MUC5AC: variants seen among roughly 807,000 people sequenced by gnomAD.
MUC5AC encodes the protein mucin 5AC, oligomeric mucus/gel-forming.
In MUC5AC, 158 loss-of-function variants were observed where a neutral mutation model predicts 169.7. The observed-to-expected ratio is 0.93, with a 90% CI of 0.82 to 1.06. MUC5AC has a LOEUF of 1.06. Ranked by LOEUF, MUC5AC falls within the 50% of genes least tolerant of loss-of-function variation. The pLI, the probability that MUC5AC is intolerant of heterozygous loss-of-function variation, is 0.00. For synonymous variants in MUC5AC, 1,975 were observed against 1,237.0 expected (o/e 1.60, Z -12.52); for missense variants, 4,359 against 3,089.9 (o/e 1.41, Z -9.74).
rs1192762741 is a variant in MUC5AC, at chr11:1,199,107, G to A, written c.16317G>A (p.Gln5439=). The change falls in exon 45 of 49, where the codon CAG becomes CAA. Residue 5439 remains glutamine, a synonymous_variant. Transcript: ENST00000621226. ...HCPVGFEYQE[Q]SGQCCGTCVQ... ...CGCAGGGCTTCGAGTACCAGGAGCA[G>A]AGCGGGCAGTGCTGTGGCACCTGTG... is the stretch of plus-strand genomic sequence containing the variant. 1 of 764,760 alleles carries A rather than the reference G, an allele frequency of 1.3e-6. No homozygotes were observed. The highest frequency in any genetic ancestry group is 1.3e-5 in the South Asian group (1 of 74,556). The allele number at this position is 764,760 out of a possible 1,614,324, so 47.4% of individuals were successfully genotyped here.
chr11:1,189,025 C>T lies in MUC5AC; in HGVS notation c.10880C>T (p.Thr3627Ile). The change falls in exon 31 of 49, where the codon ACC becomes ATC. Residue 3627 changes from threonine to isoleucine, a missense_variant. Coordinates refer to ENST00000621226, the MANE Select transcript of MUC5AC (RefSeq NM_001304359.2). Reference protein sequence around the residue: ...CCETPKGCPVTSTSVTAPSTP... With the variant: ...CCETPKGCPVISTSVTAPSTP... Reference sequence around the variant, plus strand: ...GAGACCCCCAAAGGCTGCCCCGTGACCTCCACATCTGTGACAGCTCCTAGC... The same window carrying T: ...GAGACCCCCAAAGGCTGCCCCGTGATCTCCACATCTGTGACAGCTCCTAGC... 1.5e-6 allele frequency: 1 copy of T among 668,574 alleles called. No individual in the cohort carries two copies. Among genetic ancestry groups the T allele is most frequent in the East Asian group, 2.5e-5 (1 of 40,486 alleles). 41.4% of individuals were successfully genotyped at this position (668,574 alleles called of 1,614,324 possible). A position where few individuals can be genotyped will look rare whatever the true frequency, so the allele number is the denominator to read the frequency against.
rs775642015 is a variant in MUC5AC, at chr11:1,194,438, G to A, written c.15007-49G>A. ...GCAAGAGCCTGAGCAGCGGCTGACCGCCCGCCCGCCTGCCTTCTGACTTCC... is the reference window on the plus strand; with the variant it reads ...GCAAGAGCCTGAGCAGCGGCTGACCACCCGCCCGCCTGCCTTCTGACTTCC... On this transcript the variant is annotated intron_variant, in intron 34 of 48. Transcript: ENST00000621226. 43 of 714,390 alleles carry A rather than the reference G, an allele frequency of 6.0e-5. 1 individual carries two copies. The highest frequency in any genetic ancestry group is 3.6e-4 in the South Asian group (25 of 69,104). The allele number at this position is 714,390 out of a possible 1,614,324, so 44.3% of individuals were successfully genotyped here.
chr11:1,167,901 G>C lies in MUC5AC; in HGVS notation c.1411G>C (p.Val471Leu), dbSNP rs994126745. ...GCCCTGTGACAGCAGTGCCTTCACT[G>C]TACTGGCTGAGCTGCGCAGGTGCGG... is the stretch of plus-strand genomic sequence containing the variant. Reference protein sequence around the residue: ...TKPCDSSAFTVLAELRRCGLT... With the variant: ...TKPCDSSAFTLLAELRRCGLT... Residue 471 changes from valine (V) to leucine (L), a missense_variant, in exon 12 of 49, where the codon GTA (valine) becomes CTA (leucine). Transcript: ENST00000621226. 2.3e-5 allele frequency: 35 copies of C among 1,550,368 alleles called. No homozygotes were observed. The highest frequency in any genetic ancestry group is 2.7e-5 in the Non-Finnish European group (31 of 1,147,060).
rs1860718195 is a variant in MUC5AC, at chr11:1,177,591, C to T, written c.3045C>T (p.Asp1015=). ...ACATTGGCCTGGTGCTGCTGTGGGA[C>T]AAGAAGACCAGCATCTTCATCAACC... ...DTDIGLVLLW[D]KKTSIFINLS... The change falls in exon 24 of 49, where the codon GAC becomes GAT. Residue 1015 remains aspartate, a synonymous_variant. Coordinates refer to ENST00000621226, the MANE Select transcript of MUC5AC (RefSeq NM_001304359.2). 2.5e-6 allele frequency: 1 copy of T among 398,782 alleles called. No individual in the cohort carries two copies. 24.7% of individuals were successfully genotyped at this position (398,782 alleles called of 1,614,324 possible). A position where few individuals can be genotyped will look rare whatever the true frequency, so the allele number is the denominator to read the frequency against.
Position 1,201,025 on chromosome 11 carries a change from G to A in MUC5AC, c.*323G>A. On this transcript the variant is annotated 3_prime_UTR_variant, in exon 49 of 49. Coordinates refer to ENST00000621226, the MANE Select transcript of MUC5AC (RefSeq NM_001304359.2). The stretch of plus-strand genomic sequence containing the variant: ...GAATGACGCTTGGACATGGTGATCA[G>A]CTGCCTGGTGGCTGCAGGAGGAAGA... 1 of 259,032 alleles carries A rather than the reference G, an allele frequency of 3.9e-6. No homozygotes were observed. The highest frequency in any genetic ancestry group is 6.9e-5 in the East Asian group (1 of 14,402). The allele number at this position is 259,032 out of a possible 1,614,324, so 16.0% of individuals were successfully genotyped here.
At position 1,187,847 on chromosome 11, in the gene MUC5AC, A is replaced by G. The variant is rs1860992075; in HGVS notation, c.9702A>G (p.Ile3234Met). The change falls in exon 31 of 49, where the codon ATA becomes ATG. Residue 3234 changes from isoleucine (I) to methionine (M), a missense_variant. Transcript: ENST00000621226. Reference sequence around the variant, plus strand: ...GCACCTGGACCAAGTGGTTTGACATAGACTTCCCATCCCCTGGACCCCACG... The same window carrying G: ...GCACCTGGACCAAGTGGTTTGACATGGACTTCCCATCCCCTGGACCCCACG... ...LRCTWTKWFD[I>M]DFPSPGPHGG... 10 of 764,206 alleles carry G rather than the reference A, an allele frequency of 1.3e-5. No individual in the cohort carries two copies. The highest frequency in any genetic ancestry group is 3.4e-5 in the African/African-American group (2 of 59,112). 47.3% of individuals were successfully genotyped at this position (764,206 alleles called of 1,614,324 possible). A position where few individuals can be genotyped will look rare whatever the true frequency, so the allele number is the denominator to read the frequency against.
In MUC5AC at chr11:1,178,466, G is replaced by A; in HGVS notation, c.3110G>A (p.Gly1037Glu). Residue 1037 changes from glycine to glutamate, a missense_variant, in exon 25 of 49, where the codon GGG (glycine) becomes GAG (glutamate). Gly to Glu is a moderately conservative substitution (Grantham distance 98, BLOSUM62 -2). Coordinates refer to ENST00000621226, the MANE Select transcript of MUC5AC (RefSeq NM_001304359.2). ...CAGGGCAGGGTCTGCGGCCTGTGTG[G>A]GAACTTCGACGACATCGCCGTTAAT... ...EFKGRVCGLCGNFDDIAVNDF... is the reference protein window; with the variant it reads ...EFKGRVCGLCENFDDIAVNDF... 1.2e-6 allele frequency: 1 copy of A among 841,842 alleles called. No individual in the cohort carries two copies. Among genetic ancestry groups the A allele is most frequent in the Non-Finnish European group, 1.7e-6 (1 of 602,846 alleles). 52.1% of individuals were successfully genotyped at this position (841,842 alleles called of 1,614,324 possible). A position where few individuals can be genotyped will look rare whatever the true frequency, so the allele number is the denominator to read the frequency against.
chr11:1,158,334 T>C (rs1406642513), intron 1 of MUC5AC, among the ~76,000 whole-genome samples: 1 of 152,068 alleles, frequency 6.6e-6, no homozygotes, highest in Non-Finnish European at 1.5e-5. Flanking sequence ...TCTCGGGCTT[T>C]CCCTCCCGGC....
chr11:1,164,216 C>T lies in MUC5AC; in HGVS notation c.900C>T (p.Asp300=), dbSNP rs753669060. The change falls in exon 8 of 49, where the codon GAC becomes GAT. Residue 300 remains aspartate (D), a synonymous_variant. Transcript: ENST00000621226. ...GGCAAGACCTCTGCTTCTGTGAAGA[C>T]ACCGACCTGCTCAGCTGCGTCTGCC... ...ACRQDLCFCE[D]TDLLSCVCHT... is the part of the protein sequence containing the mutation. 6.8e-6 allele frequency: 11 copies of T among 1,612,552 alleles called. No individual in the cohort carries two copies. The highest frequency in any genetic ancestry group is 8.5e-6 in the Non-Finnish European group (10 of 1,179,888).
At chr11:1,172,283 C>T (rs1357323198) in intron 15 of MUC5AC, 146 bp from the exon 16 acceptor site, 3 of 397,478 alleles carry the variant, frequency 7.5e-6, no homozygotes, top group African/African-American at 4.1e-5. Flanking sequence ...CCACACCACC[C>T]AGGCTGAGTG....
Position 1,193,370 on chromosome 11 carries a change from CA to C in MUC5AC, c.14581-114del. 6.5e-6 allele frequency: 4 copies of C among 619,320 alleles called. No homozygotes were observed. In the South Asian group the frequency reaches 7.2e-5, roughly 11 times the overall value. The allele number at this position is 619,320 out of a possible 1,614,324, so 38.4% of individuals were successfully genotyped here. On this transcript the variant is annotated intron_variant, in intron 32 of 48. Coordinates refer to ENST00000621226, the MANE Select transcript of MUC5AC (RefSeq NM_001304359.2). The stretch of plus-strand genomic sequence containing the variant: ...GGGTGGGGCAGGAAGGAAACTGGGG[CA>C]CAGCCACCCTCCCCTGTCCCCACAC...
In MUC5AC at chr11:1,165,384, C is replaced by T. The variant is rs1036376088; in HGVS notation, c.1212C>T (p.Ala404=). 6.2e-6 allele frequency: 10 copies of T among 1,612,316 alleles called. No individual in the cohort carries two copies. The highest frequency in any genetic ancestry group is 4.0e-5 in the African/African-American group (3 of 74,938). Residue 404 remains alanine (A), a synonymous_variant, in exon 10 of 49, where the codon GCC becomes GCT. Transcript: ENST00000621226. ...GCGTCTACAACGGGGCTGCCTATGC[C>T]CCAGGGGCCACCTACTCCACAGACT... The part of the protein sequence containing the change: ...CACVYNGAAY[A]PGATYSTDCT...
chr11:1,179,691 C>T (rs1226111743), intron 26 of MUC5AC, among the ~76,000 whole-genome samples: 1 of 148,550 alleles, frequency 6.7e-6, no homozygotes, highest in Non-Finnish European at 1.5e-5. Flanking sequence ...AGCTGCCCAG[C>T]TCTAGGGAGG....
At chr11:1,171,432 CTT>C (rs1860528011) in intron 15 of MUC5AC, among the ~76,000 whole-genome samples, 2 of 143,328 alleles carry the variant, frequency 1.4e-5, no homozygotes, top group Admixed American at 6.9e-5. Context: ...ACTCACTCAA[CTT>C]ACTCACCCAC....
At position 1,194,650 on chromosome 11, in the gene MUC5AC, A is replaced by G. The variant is rs1564918799; in HGVS notation, c.15170A>G (p.Asn5057Ser). 2 of 762,920 alleles carry G rather than the reference A, an allele frequency of 2.6e-6. No individual in the cohort carries two copies. Among genetic ancestry groups the G allele is most frequent in the Non-Finnish European group, 4.8e-6 (2 of 416,548 alleles). 47.3% of individuals were successfully genotyped at this position (762,920 alleles called of 1,614,324 possible). The change falls in exon 35 of 49, where the codon AAC becomes AGC. Residue 5057 changes from asparagine (N) to serine (S), a missense_variant. Transcript: ENST00000621226. ...GAGGTGCCCTTCAGCAAGTTTGCCA[A>G]CAACACCGAGGGCCAGTGCGGTGAG... ...SVEVPFSKFANNTEGQCGTCT... is the reference protein window; with the variant it reads ...SVEVPFSKFASNTEGQCGTCT...
In MUC5AC at chr11:1,172,486, G is replaced by T. The variant is rs1012275053; in HGVS notation, c.1928G>T (p.Arg643Leu). 5.0e-6 allele frequency: 2 copies of T among 398,562 alleles called. No homozygotes were observed. The highest frequency in any genetic ancestry group is 8.8e-6 in the Non-Finnish European group (2 of 226,090). 24.7% of individuals were successfully genotyped at this position (398,562 alleles called of 1,614,324 possible). ...QLTDADGPFG[R>L]CHAAVKPGTY... is the part of the protein sequence containing the mutation. ...ACCGATGCCGACGGCCCCTTCGGCC[G>T]GTGCCATGCTGCCGTGAAGCCGGGA... Residue 643 changes from arginine to leucine, a missense_variant, in exon 16 of 49, where the codon CGG becomes CTG. Transcript: ENST00000621226.
rs1325552536 is a variant in MUC5AC at position 1,181,476 on chromosome 11, C to T, written c.4009+17C>T. The T allele has an allele frequency of 3.8e-5, 11 of 288,950 alleles. No individual in the cohort carries two copies. The highest frequency in any genetic ancestry group is 1.7e-4 in the African/African-American group (3 of 17,536). 17.9% of individuals were successfully genotyped at this position (288,950 alleles called of 1,614,324 possible). ...CCCCGCTTGGTAAGGCAAATGTGGCCGAGGAGCCCCAGGGTGAGCCCCCTC... is the reference window on the plus strand; with the variant it reads ...CCCCGCTTGGTAAGGCAAATGTGGCTGAGGAGCCCCAGGGTGAGCCCCCTC... On this transcript the variant is annotated intron_variant, in intron 30 of 48. Coordinates refer to ENST00000621226, the MANE Select transcript of MUC5AC (RefSeq NM_001304359.2).
intron 4 of MUC5AC, 107 bp from the exon 5 acceptor site, chr11:1,162,425 C>A: frequency 8.8e-7 from 1 of 1,134,310 alleles, no homozygotes; most frequent in Non-Finnish European, 1.3e-6. Flanking sequence ...CCAGACGCGA[C>A]TTCACGGTCA....
chr11:1,168,003 C>T lies in MUC5AC; in HGVS notation c.1497+16C>T, dbSNP rs777321044. ...GGCGCAGACGGTGAGTGGAGCCTGG[C>T]AGGGCAAACCCCGGGAAGAGGGAAG... On this transcript the variant is annotated intron_variant, in intron 12 of 48. Transcript: ENST00000621226. The T allele has an allele frequency of 2.8e-5, 43 of 1,543,240 alleles. No homozygotes were observed. Among genetic ancestry groups the T allele is most frequent in the African/African-American group, 4.1e-5 (3 of 72,948 alleles).
Sources: allele counts gnomAD v4.1 joint callset (sites outside exome capture counted in the v4.1 genomes callset), GRCh38; gene constraint gnomAD v4.1.1; transcripts MANE v1.5; gene names NCBI Gene and HGNC (gene_info 2026-07-23, HGNC 2026-07-21).